The following OPN3 variants were observed in gnomAD, a reference collection of about 807,000 sequenced individuals.
OPN3 encodes opsin-3.
OPN3 carries 29 observed loss-of-function variants against 33.8 expected under a neutral mutation model. The ratio of observed to expected loss-of-function variants is 0.86; its 90% CI spans 0.64 to 1.17. The LOEUF is 1.17. Ranked by LOEUF, OPN3 falls within the 50% of genes most tolerant of loss-of-function variation. The pLI is 0.00. For missense variants in OPN3, 437 were observed against 514.1 expected, an observed-to-expected ratio of 0.85 and a Z score of 1.45; for synonymous variants, 216 against 216.1, an observed-to-expected ratio of 1.00 and a Z score of 0.00.
rs146199039 is a variant in OPN3, at chr1:241,635,149, T to G, written c.373+4733A>C. On this transcript the variant is annotated intron_variant, in intron 1 of 3. Coordinates refer to ENST00000366554, the MANE Select transcript of OPN3 (RefSeq NM_014322.3). Reference sequence around the variant, plus strand: ...TTCTAATTGGTTCATCGGCCTTATCTTCTACTGTAGATTTGCTTTCATCTT... The same window carrying G: ...TTCTAATTGGTTCATCGGCCTTATCGTCTACTGTAGATTTGCTTTCATCTT... The G allele has an allele frequency of 7.5e-4, 1,207 of 1,612,948 alleles. 13 individuals carry two copies. The African/African-American group carries it at 0.013, about 18-fold the overall frequency.
At chr1:241,599,399 A>C (rs1307892117) in intron 2 of OPN3, among the ~76,000 whole-genome samples, 1 of 152,138 alleles carries the variant, frequency 6.6e-6, no homozygotes, top group Non-Finnish European at 1.5e-5. Flanking sequence ...AATTCATATA[A>C]CTTATTACAA....
intron 1 of OPN3, among the ~76,000 whole-genome samples, chr1:241,627,391 T>C (rs1664451406): frequency 6.6e-6 from 1 of 152,184 alleles, no homozygotes; most frequent in South Asian, 2.1e-4. Flanking sequence ...AACAGTAGCA[T>C]TTCATTTCTC....
At chr1:241,617,916 T>G (rs1162640047) in intron 1 of OPN3, among the ~76,000 whole-genome samples, 1 of 152,090 alleles carries the variant, frequency 6.6e-6, no homozygotes, top group African/African-American at 2.4e-5. Context: ...TGGTGACCAG[T>G]GTGGAACAAT....
chr1:241,634,420 C>G, intron 1 of OPN3: 1 of 1,613,748 alleles, frequency 6.2e-7, no homozygotes, highest in South Asian at 1.1e-5. Context: ...GCTTATACTG[C>G]ACATTTGAGC....
intron 1 of OPN3, among the ~76,000 whole-genome samples, chr1:241,622,953 T>A (rs1173846870): frequency 1.3e-5 from 2 of 152,166 alleles, no homozygotes; most frequent in Admixed American, 6.5e-5. Flanking sequence ...ATCACTGGCT[T>A]AGTTTCTTTG....
At chr1:241,612,686 C>A (rs998749340) in intron 1 of OPN3, among the ~76,000 whole-genome samples, 15 of 152,202 alleles carry the variant, frequency 9.9e-5, no homozygotes, top group African/African-American at 3.6e-4. Context: ...ACAGCTTGAA[C>A]ATTATATAAT....
intron 2 of OPN3, among the ~76,000 whole-genome samples, chr1:241,603,872 A>G (rs1397292051): frequency 6.6e-6 from 1 of 152,216 alleles, no homozygotes; most frequent in East Asian, 1.9e-4. Flanking sequence ...TGATCGCCAA[A>G]CAAAACATCT....
chr1:241,635,140 G>C, intron 1 of OPN3: 2 of 1,612,596 alleles, frequency 1.2e-6, no homozygotes, highest in Non-Finnish European at 1.7e-6. Flanking sequence ...TTGGTTCATC[G>C]GCCTTATCTT....
intron 1 of OPN3, among the ~76,000 whole-genome samples, chr1:241,610,076 T>C (rs1663949267): frequency 6.6e-6 from 1 of 152,260 alleles, no homozygotes. Flanking sequence ...AAAGGGCTTA[T>C]GTACCCCCCA....
At chr1:241,623,337 C>T (rs1277457104) in intron 1 of OPN3, among the ~76,000 whole-genome samples, 1 of 152,226 alleles carries the variant, frequency 6.6e-6, no homozygotes, top group African/African-American at 2.4e-5. Flanking sequence ...TGCCCTAATT[C>T]AGACTCTCAC....
chr1:241,621,364 A>C (rs933273142), intron 1 of OPN3, among the ~76,000 whole-genome samples: 3 of 152,152 alleles, frequency 2.0e-5, no homozygotes, highest in African/African-American at 7.2e-5. Context: ...CGACTTGTCA[A>C]CTGATGGGAA....
At chr1:241,634,430 C>G in intron 1 of OPN3, 1 of 1,613,694 alleles carries the variant, frequency 6.2e-7, no homozygotes, top group Non-Finnish European at 8.5e-7. Context: ...CACATTTGAG[C>G]ATGTTTCCTC....
rs10645786 is a variant in OPN3, at chr1:241,611,493, CAAA to C, written c.374-6917_374-6915del. Among the ~76,000 whole-genome samples, 1,204 of 123,142 alleles carry C rather than the reference CAAA, an allele frequency of 9.8e-3. 8 individuals carry two copies. Among genetic ancestry groups the C allele is most frequent in the African/African-American group, 0.03 (1,008 of 33,188 alleles). The allele number at this position is 123,142 out of a possible 152,430, so 80.8% of individuals were successfully genotyped here. ...AAGATTAAGCACACTTTAACAAGGCCAAAAAAAAAAAAAAAAAAATGATGGGGA... is the reference window on the plus strand; with the variant it reads ...AAGATTAAGCACACTTTAACAAGGCCAAAAAAAAAAAAAAAATGATGGGGA... On this transcript the variant is annotated intron_variant, in intron 1 of 3. Coordinates refer to ENST00000366554, the MANE Select transcript of OPN3 (RefSeq NM_014322.3).
chr1:241,604,147 G>T, intron 2 of OPN3, 113 bp downstream of exon 2: 2 of 915,920 alleles, frequency 2.2e-6, no homozygotes, highest in Non-Finnish European at 1.7e-6. Flanking sequence ...CCCTAGAACT[G>T]CTCTACCTCT....
intron 1 of OPN3, chr1:241,635,840 G>A (rs536486529): frequency 3.5e-5 from 50 of 1,434,152 alleles, no homozygotes; most frequent in Non-Finnish European, 4.1e-5. Context: ...AATAAAATCT[G>A]TCCTTCTGAT....
chr1:241,604,257 C>T lies in OPN3; in HGVS notation c.693+3G>A. On this transcript the variant is annotated splice_donor_region_variant and intron_variant, in intron 2 of 3. Transcript: ENST00000366554. Reference sequence around the variant, plus strand: ...AGGGGGGCATCTGTAGTCTTCAACTCACCATTCGAATGGAATATAGAATAT... The same window carrying T: ...AGGGGGGCATCTGTAGTCTTCAACTTACCATTCGAATGGAATATAGAATAT... 1 of 1,612,376 alleles carries T rather than the reference C, an allele frequency of 6.2e-7. No homozygotes were observed. Among genetic ancestry groups the T allele is most frequent in the South Asian group, 1.1e-5 (1 of 90,948 alleles).
chr1:241,617,689 A>C (rs972061836), intron 1 of OPN3, among the ~76,000 whole-genome samples: 2 of 152,244 alleles, frequency 1.3e-5, no homozygotes, highest in Non-Finnish European at 2.9e-5. Context: ...CACACGCTCC[A>C]CTGTAATTGT....
chr1:241,617,536 A>C lies in OPN3; in HGVS notation c.374-12957T>G, dbSNP rs183918983. On this transcript the variant is annotated intron_variant, in intron 1 of 3. Coordinates refer to ENST00000366554, the MANE Select transcript of OPN3 (RefSeq NM_014322.3). ...TCATTTATAATTTACAAAGCTCTCA[A>C]GGGAGCTCAGGGTTTAGGTTTTAGA... 3.3e-5 allele frequency among the ~76,000 whole-genome samples: 5 copies of C among 152,362 alleles called. No individual in the cohort carries two copies. The East Asian group carries it at 9.6e-4, about 29-fold the overall frequency.
chr1:241,619,420 T>C (rs1350512068), intron 1 of OPN3, among the ~76,000 whole-genome samples: 2 of 152,252 alleles, frequency 1.3e-5, no homozygotes, highest in African/African-American at 4.8e-5. Context: ...CAGGCAGTTC[T>C]GATTTCTGTA....
Sources: gnomAD v4.1 joint callset for allele counts (sites outside exome capture counted in the v4.1 genomes callset) on GRCh38, gnomAD v4.1.1 for gene constraint, MANE v1.5 for transcripts, NCBI Gene and HGNC (gene_info 2026-07-23, HGNC 2026-07-21) for gene names.